Variants in PCDH19 observed in about 807,000 individuals in gnomAD.
PCDH19 encodes the protein protocadherin-19.
A neutral mutation model predicts 46.2 loss-of-function variants in PCDH19; 6 were observed. That is an observed-to-expected ratio of 0.13 (90% CI 0.07 to 0.26). PCDH19 has a LOEUF of 0.26. Among genes scored for constraint, PCDH19 ranks in the 10% least tolerant of loss-of-function variants. The pLI, the probability that PCDH19 is intolerant of heterozygous loss-of-function variation, is 1.00. For synonymous variants in PCDH19, 481 were observed against 415.7 expected (o/e 1.16, Z -1.91); for missense variants, 740 against 972.3 (o/e 0.76, Z 3.18).
intron 5 of PCDH19, among the ~76,000 whole-genome samples, chrX:100,331,372 T>C (rs1209683213): frequency 8.9e-6 from 1 of 112,251 alleles, no homozygotes; most frequent in African/African-American, 3.2e-5. Context: ...GAGTCTGTTT[T>C]ATCTATCCAC....
At chrX:100,368,391 T>C (rs1382317820) in intron 3 of PCDH19, among the ~76,000 whole-genome samples, 1 of 111,444 alleles carries the variant, frequency 9.0e-6, no homozygotes, top group Non-Finnish European at 1.9e-5. Context: ...TCAGTCCCAC[T>C]CTCTGTCAGC....
At chrX:100,326,482 C>A (rs775277383) in intron 5 of PCDH19, among the ~76,000 whole-genome samples, 6 of 111,248 alleles carry the variant, frequency 5.4e-5, no homozygotes, top group Non-Finnish European at 1.1e-4. Flanking sequence ...ATAAAGGAAT[C>A]AAAATGACGT....
intron 5 of PCDH19, among the ~76,000 whole-genome samples, chrX:100,302,620 T>C (rs1874006225): frequency 8.9e-6 from 1 of 111,850 alleles, no homozygotes; most frequent in African/African-American, 3.2e-5. Flanking sequence ...AGGGTCACCT[T>C]TTCATTTATC....
rs1349076203 is a variant in PCDH19 at position 100,292,876 on chromosome X, A to G, written c.*3401T>C. ...AAACTTGTCAGAATGCTTTGGGGGAACATTCAACATCAAAATGATCCCCAG... is the reference window on the plus strand; with the variant it reads ...AAACTTGTCAGAATGCTTTGGGGGAGCATTCAACATCAAAATGATCCCCAG... On this transcript the variant is annotated 3_prime_UTR_variant, in exon 6 of 6. Coordinates refer to ENST00000373034, the MANE Select transcript of PCDH19 (RefSeq NM_001184880.2). 1 of 111,747 alleles carries G rather than the reference A, an allele frequency of 8.9e-6. No homozygotes were observed. Among genetic ancestry groups the G allele is most frequent in the Non-Finnish European group, 1.9e-5 (1 of 53,154 alleles). 9.2% of individuals were successfully genotyped at this position (111,747 alleles called of 1,213,427 possible).
At chrX:100,309,154 G>GCACACA (rs55663829) in intron 5 of PCDH19, among the ~76,000 whole-genome samples, 270 of 81,490 alleles carry the variant, frequency 3.3e-3, no homozygotes, top group South Asian at 4.8e-3. Flanking sequence ...TGTGATGCAT[G>GCACACA]CACACACACA....
chrX:100,356,366 T>C (rs1027070375), intron 3 of PCDH19, among the ~76,000 whole-genome samples: 1 of 111,678 alleles, frequency 9.0e-6, no homozygotes, highest in African/African-American at 3.3e-5. Context: ...ATTGTGCCTA[T>C]TGATCCATAA....
chrX:100,296,166 G>T lies in PCDH19; in HGVS notation c.*111C>A. The stretch of plus-strand genomic sequence containing the variant: ...CCTATAAACAATACATTTAGGAAAA[G>T]CTCTGAAATATAGCCACTCAAGAAC... On this transcript the variant is annotated 3_prime_UTR_variant, in exon 6 of 6. Coordinates refer to ENST00000373034, the MANE Select transcript of PCDH19 (RefSeq NM_001184880.2). 1 of 603,755 alleles carries T rather than the reference G, an allele frequency of 1.7e-6. No homozygotes were observed. The highest frequency in any genetic ancestry group is 2.3e-5 in the South Asian group (1 of 44,237). 49.8% of individuals were successfully genotyped at this position (603,755 alleles called of 1,213,427 possible).
intron 4 of PCDH19, among the ~76,000 whole-genome samples, chrX:100,348,962 GA>G (rs1926494559): frequency 1.0e-5 from 1 of 97,986 alleles, no homozygotes; most frequent in African/African-American, 4.0e-5. Context: ...GGGTGGGGGG[GA>G]GGGGTTGCAC....
intron 5 of PCDH19, among the ~76,000 whole-genome samples, chrX:100,333,171 A>AGAGAG (rs1491352891): frequency 6.8e-5 from 2 of 29,394 alleles, no homozygotes; most frequent in Admixed American, 4.2e-4. Flanking sequence ...GGAAGGAAGG[A>AGAGAG]AGGGAGAGAG....
intron 5 of PCDH19, among the ~76,000 whole-genome samples, chrX:100,325,664 G>A (rs755753232): frequency 9.8e-5 from 11 of 112,265 alleles, no homozygotes; most frequent in South Asian, 7.4e-4. Context: ...CACCGCGCCC[G>A]GCCAGGACTA....
chrX:100,402,069 C>T (rs770282595), intron 3 of PCDH19, among the ~76,000 whole-genome samples: 14 of 111,910 alleles, frequency 1.3e-4, no homozygotes, highest in Admixed American at 9.4e-4. Context: ...AGTGATGTGA[C>T]GAAAGAAAAA....
At chrX:100,367,673 C>T in intron 3 of PCDH19, among the ~76,000 whole-genome samples, 1 of 111,719 alleles carries the variant, frequency 9.0e-6, no homozygotes, top group East Asian at 2.8e-4. Flanking sequence ...GTGGAACCCT[C>T]ATGACTTAAT....
At chrX:100,309,157 C>CACACACACAT (rs1925048232) in intron 5 of PCDH19, among the ~76,000 whole-genome samples, 1 of 107,015 alleles carries the variant, frequency 9.3e-6, no homozygotes, top group Non-Finnish European at 1.9e-5. Flanking sequence ...GATGCATGCA[C>CACACACACAT]ACACACACAC....
rs746368319 is a variant in PCDH19 at position 100,344,956 on chromosome X, C to G, written c.2676-2881G>C. On this transcript the variant is annotated intron_variant, in intron 4 of 5. Transcript: ENST00000373034. ...AACAACTGCTCTAGGTTCTTTATTT[C>G]TATAGCAGACTGTAGTAAAGAGCAC... is the stretch of plus-strand genomic sequence containing the variant. 2.7e-5 allele frequency among the ~76,000 whole-genome samples: 3 copies of G among 109,370 alleles called. No homozygotes were observed. In the South Asian group the frequency reaches 1.2e-3, roughly 45 times the overall value. The allele number at this position is 109,370 out of a possible 115,157, so 95.0% of individuals were successfully genotyped here.
At chrX:100,308,705 A>G (rs1249773538) in intron 5 of PCDH19, among the ~76,000 whole-genome samples, 1 of 111,715 alleles carries the variant, frequency 9.0e-6, no homozygotes, top group Non-Finnish European at 1.9e-5. Context: ...AATCCCATCA[A>G]AAAGTGGGCT....
chrX:100,363,700 T>C (rs866559641), intron 3 of PCDH19, among the ~76,000 whole-genome samples: 1 of 55,778 alleles, frequency 1.8e-5, no homozygotes, highest in South Asian at 5.3e-4. Context: ...TTATATATAA[T>C]ATATTTATTT....
Position 100,409,989 on chromosome X carries a change from T to C in PCDH19, c.-1392A>G. The C allele has an allele frequency of 3.4e-6, 1 of 298,141 alleles. No homozygotes were observed. 24.6% of individuals were successfully genotyped at this position (298,141 alleles called of 1,213,427 possible). A position where few individuals can be genotyped will look rare whatever the true frequency, so the allele number is the denominator to read the frequency against. ...GTGTGAGAGAGAGAGGAAGAGTGAG[T>C]GTGTGGTGTGGGGAGTGTGAGTGTG... On this transcript the variant is annotated 5_prime_UTR_variant, in exon 1 of 6. Transcript: ENST00000373034.
intron 5 of PCDH19, among the ~76,000 whole-genome samples, chrX:100,319,431 TG>T (rs1334948191): frequency 5.4e-5 from 6 of 111,654 alleles, no homozygotes; most frequent in Non-Finnish European, 1.1e-4. Flanking sequence ...GAAACTGAAG[TG>T]GAGATCCTGT....
At chrX:100,356,887 G>A (rs1384471606) in intron 3 of PCDH19, among the ~76,000 whole-genome samples, 1 of 111,241 alleles carries the variant, frequency 9.0e-6, no homozygotes, top group Non-Finnish European at 1.9e-5. Context: ...TTAACTTACA[G>A]ATGACCTTGG....
Sources: allele counts gnomAD v4.1 joint callset (sites outside exome capture counted in the v4.1 genomes callset), GRCh38; gene constraint gnomAD v4.1.1; transcripts MANE v1.5; gene names NCBI Gene and HGNC (gene_info 2026-07-23, HGNC 2026-07-21).